KCNIP4: variants seen among roughly 807,000 people sequenced by gnomAD.
KCNIP4 encodes the protein potassium voltage-gated channel interacting protein 4, also known as Kv channel-interacting protein 4.
Under a neutral mutation model 34.0 loss-of-function variants are expected in KCNIP4, and 12 were observed. The ratio of observed to expected loss-of-function variants is 0.35; its 90% CI spans 0.23 to 0.57. KCNIP4 has a LOEUF of 0.57. Among genes scored for constraint, KCNIP4 ranks in the 20% least tolerant of loss-of-function variants. KCNIP4 has a pLI of 0.83. For synonymous variants in KCNIP4, 124 were observed against 102.2 expected (o/e 1.21, Z -1.29); for missense variants, 238 against 311.7 (o/e 0.76, Z 1.78).
intron 1 of KCNIP4, among the ~76,000 whole-genome samples, chr4:21,611,667 G>GT (rs144795525): frequency 3.3e-5 from 5 of 151,610 alleles, no homozygotes; most frequent in African/African-American, 7.3e-5. Flanking sequence ...TTTTGTTTTT[G>GT]TTTTTTTCCT....
intron 3 of KCNIP4, among the ~76,000 whole-genome samples, chr4:20,821,637 A>C (rs1578700075): frequency 6.6e-6 from 1 of 150,988 alleles, no homozygotes; most frequent in Non-Finnish European, 1.5e-5. Flanking sequence ...ACCCCCTCCC[A>C]CCCTTTCCCC....
At chr4:21,868,923 C>T (rs928465716) in intron 1 of KCNIP4, among the ~76,000 whole-genome samples, 19 of 152,278 alleles carry the variant, frequency 1.2e-4, no homozygotes, top group Admixed American at 6.5e-4. Context: ...AATAGGCTGA[C>T]GGCAACAGGA....
chr4:21,231,888 C>G (rs1312797370), intron 1 of KCNIP4, among the ~76,000 whole-genome samples: 1 of 152,140 alleles, frequency 6.6e-6, no homozygotes, highest in Non-Finnish European at 1.5e-5. Context: ...AGATGCCTGA[C>G]TTTCCCAATC....
At chr4:21,584,974 G>A (rs1412489447) in intron 1 of KCNIP4, among the ~76,000 whole-genome samples, 1 of 152,028 alleles carries the variant, frequency 6.6e-6, no homozygotes, top group Non-Finnish European at 1.5e-5. Context: ...AAAAAACTGA[G>A]GTGGAGAAAG....
chr4:21,446,694 C>T (rs1386389787), intron 1 of KCNIP4, among the ~76,000 whole-genome samples: 2 of 151,744 alleles, frequency 1.3e-5, no homozygotes, highest in Non-Finnish European at 2.9e-5. Context: ...AGCACACCAA[C>T]ATGGCACATG....
intron 1 of KCNIP4, among the ~76,000 whole-genome samples, chr4:20,997,074 G>T (rs570293761): frequency 6.7e-6 from 1 of 148,238 alleles, no homozygotes; most frequent in South Asian, 2.1e-4. Context: ...AGGATGGGGG[G>T]AAAACTACGA....
intron 1 of KCNIP4, among the ~76,000 whole-genome samples, chr4:21,892,626 T>C (rs1431876382): frequency 6.7e-6 from 1 of 150,010 alleles, no homozygotes; most frequent in Non-Finnish European, 1.5e-5. Flanking sequence ...GGTTATACAA[T>C]CTTAGGTGAT....
chr4:21,611,807 A>C (rs184423899), intron 1 of KCNIP4, among the ~76,000 whole-genome samples: 9 of 152,208 alleles, frequency 5.9e-5, no homozygotes, highest in South Asian at 4.1e-4. Context: ...TGTAGGACCA[A>C]CTCAAGCCGG....
intron 1 of KCNIP4, among the ~76,000 whole-genome samples, chr4:21,323,642 C>T (rs1714728088): frequency 6.6e-6 from 1 of 152,070 alleles, no homozygotes; most frequent in Non-Finnish European, 1.5e-5. Flanking sequence ...TAATGTACTA[C>T]ATTTCCTTTA....
At chr4:21,797,636 T>C (rs1720709134) in intron 1 of KCNIP4, among the ~76,000 whole-genome samples, 2 of 152,310 alleles carry the variant, frequency 1.3e-5, no homozygotes, top group Admixed American at 1.3e-4. Context: ...CATTGTTATA[T>C]TTGGGTTGTA....
At chr4:21,011,906 A>G (rs1739094725) in intron 1 of KCNIP4, among the ~76,000 whole-genome samples, 1 of 152,230 alleles carries the variant, frequency 6.6e-6, no homozygotes, top group Non-Finnish European at 1.5e-5. Flanking sequence ...CTTCTGTGGC[A>G]TAATCAAGAC....
intron 1 of KCNIP4, among the ~76,000 whole-genome samples, chr4:21,459,322 C>A (rs775651541): frequency 6.6e-6 from 1 of 152,070 alleles, no homozygotes; most frequent in East Asian, 1.9e-4. Context: ...GAAACACGTT[C>A]TGAATTTGGT....
intron 1 of KCNIP4, among the ~76,000 whole-genome samples, chr4:21,269,477 C>T (rs941682303): frequency 6.6e-6 from 1 of 152,072 alleles, no homozygotes; most frequent in Non-Finnish European, 1.5e-5. Context: ...GTGATCATGG[C>T]TCACTGCAGC....
chr4:21,753,290 T>G (rs2109148622), intron 1 of KCNIP4, among the ~76,000 whole-genome samples: 1 of 152,322 alleles, frequency 6.6e-6, no homozygotes, highest in East Asian at 1.9e-4. Flanking sequence ...GACTGCTTTG[T>G]AAATCATTCA....
chr4:20,906,122 CTCTCTT>C (rs1399323206), intron 1 of KCNIP4, among the ~76,000 whole-genome samples: 4 of 134,038 alleles, frequency 3.0e-5, no homozygotes, highest in East Asian at 4.9e-4. Flanking sequence ...CTTTCTCTTC[CTCTCTT>C]TCTCTTTCTC....
At chr4:21,279,899 G>A (rs1223613990) in intron 1 of KCNIP4, among the ~76,000 whole-genome samples, 1 of 152,086 alleles carries the variant, frequency 6.6e-6, no homozygotes, top group Non-Finnish European at 1.5e-5. Context: ...ATCTCACAAA[G>A]CAGCACTTTA....
intron 1 of KCNIP4, among the ~76,000 whole-genome samples, chr4:21,373,089 A>AT (rs1578141899): frequency 6.8e-6 from 1 of 146,872 alleles, no homozygotes; most frequent in Admixed American, 6.6e-5. Flanking sequence ...ATTAAAAAAA[A>AT]TTTTCTAATG....
chr4:20,753,817 T>A (rs1038942913), intron 4 of KCNIP4, among the ~76,000 whole-genome samples: 1 of 152,210 alleles, frequency 6.6e-6, no homozygotes, highest in African/African-American at 2.4e-5. Flanking sequence ...AATCTTTATG[T>A]CTACAGAACT....
At chr4:21,006,062 C>G (rs947845229) in intron 1 of KCNIP4, among the ~76,000 whole-genome samples, 1 of 152,130 alleles carries the variant, frequency 6.6e-6, no homozygotes, top group African/African-American at 2.4e-5. Context: ...GACTACGCAT[C>G]TCAACAAGGT....
Sources: gnomAD v4.1 joint callset for allele counts (sites outside exome capture counted in the v4.1 genomes callset) on GRCh38, gnomAD v4.1.1 for gene constraint, MANE v1.5 for transcripts, NCBI Gene and HGNC (gene_info 2026-07-23, HGNC 2026-07-21) for gene names.